CEP192: variants seen among roughly 807,000 people sequenced by gnomAD.
CEP192 encodes centrosomal protein of 192 kDa.
Under a neutral mutation model 271.8 loss-of-function variants are expected in CEP192, and 151 were observed. The ratio of observed to expected loss-of-function variants is 0.56; its 90% CI spans 0.49 to 0.64. The LOEUF is 0.64. Ranked by LOEUF, CEP192 falls within the 30% of genes least tolerant of loss-of-function variation. The pLI, the probability that CEP192 is intolerant of heterozygous loss-of-function variation, is 0.00. For missense variants in CEP192, 2,910 were observed against 3,020.5 expected (o/e 0.96, Z 0.86); for synonymous variants, 995 against 1,076.5 (o/e 0.92, Z 1.48).
At chr18:13,001,376 G>C in intron 2 of CEP192, 81 bp from the exon 3 acceptor site, 1 of 970,282 alleles carries the variant, frequency 1.0e-6, no homozygotes, top group Non-Finnish European at 1.5e-6. Context: ...TGGTTTTACT[G>C]TCACGCAGCC....
chr18:13,040,745 T>G, intron 13 of CEP192, 85 bp from the exon 14 acceptor site: 1 of 1,094,752 alleles, frequency 9.1e-7, no homozygotes, highest in Non-Finnish European at 1.3e-6. Context: ...CATTTAGCTG[T>G]TTTACCACTA....
At chr18:13,011,677 C>G (rs1437233592) in intron 4 of CEP192, among the ~76,000 whole-genome samples, 1 of 152,128 alleles carries the variant, frequency 6.6e-6, no homozygotes, top group Non-Finnish European at 1.5e-5. Context: ...CCACTACACC[C>G]AGCTAATTTT....
intron 27 of CEP192, 66 bp from the exon 28 acceptor site, chr18:13,070,973 A>T: frequency 1.5e-6 from 2 of 1,331,080 alleles, no homozygotes; most frequent in Non-Finnish European, 2.1e-6. Context: ...CAATGGAAAC[A>T]TATAGGAAAT....
chr18:13,060,115 A>G (rs112270917), intron 21 of CEP192, among the ~76,000 whole-genome samples: 1 of 152,264 alleles, frequency 6.6e-6, no homozygotes, highest in African/African-American at 2.4e-5. Flanking sequence ...TCCTTAGGCA[A>G]TTTTGTCATT....
chr18:13,057,304 G>A (rs2037165287), intron 19 of CEP192, among the ~76,000 whole-genome samples: 2 of 151,812 alleles, frequency 1.3e-5, no homozygotes, highest in Non-Finnish European at 2.9e-5. Context: ...GAGAGAAAAG[G>A]AGATTACTTA....
At chr18:13,038,712 C>T in intron 13 of CEP192, 133 bp downstream of exon 13, 1 of 694,394 alleles carries the variant, frequency 1.4e-6, no homozygotes, top group Non-Finnish European at 2.5e-6. Context: ...TAGGTTTCAT[C>T]ATCAGTCAGA....
chr18:13,068,503 A>G (rs375419439), intron 24 of CEP192, 81 bp downstream of exon 24: 19 of 1,161,206 alleles, frequency 1.6e-5, no homozygotes, highest in South Asian at 1.4e-4. Context: ...TCCTTTGTCA[A>G]TAAATGTCAG....
In CEP192 at chr18:13,117,663, C is replaced by A. The variant is rs148194492; in HGVS notation, c.7475+20C>A. Reference sequence around the variant, plus strand: ...TTTGAGGTAAGTTTATCGCAGATCACAGTGTTCTCATCAGCGATGCAGGAC... The same window carrying A: ...TTTGAGGTAAGTTTATCGCAGATCAAAGTGTTCTCATCAGCGATGCAGGAC... On this transcript the variant is annotated intron_variant, in intron 44 of 44. Transcript: ENST00000506447. 1 of 1,594,748 alleles carries A rather than the reference C, an allele frequency of 6.3e-7. No individual in the cohort carries two copies. The highest frequency in any genetic ancestry group is 8.6e-7 in the Non-Finnish European group (1 of 1,163,102).
At chr18:13,023,801 T>C (rs1211640616) in intron 9 of CEP192, among the ~76,000 whole-genome samples, 1 of 152,192 alleles carries the variant, frequency 6.6e-6, no homozygotes, top group Non-Finnish European at 1.5e-5. Flanking sequence ...AGAATTAGTA[T>C]AATGTTTTCC....
chr18:13,123,251 A>AT (rs559986682), intron 44 of CEP192, among the ~76,000 whole-genome samples: 9 of 152,120 alleles, frequency 5.9e-5, no homozygotes, highest in Admixed American at 5.2e-4. Context: ...GCCAGGTTAG[A>AT]TTTTTTTTAA....
chr18:13,057,835 T>A, intron 20 of CEP192, 102 bp downstream of exon 20: 1 of 1,035,338 alleles, frequency 9.7e-7, no homozygotes, highest in Non-Finnish European at 1.4e-6. Flanking sequence ...ACGCCTTTAT[T>A]AATGCACACA....
At chr18:13,089,616 G>A (rs986875678) in intron 33 of CEP192, 51 bp downstream of exon 33, 2 of 885,714 alleles carry the variant, frequency 2.3e-6, no homozygotes, top group Non-Finnish European at 1.8e-6. Context: ...GTCATTTATA[G>A]TATTATCTAT....
At chr18:13,043,032 G>A (rs948454880) in intron 15 of CEP192, among the ~76,000 whole-genome samples, 1 of 152,212 alleles carries the variant, frequency 6.6e-6, no homozygotes, top group African/African-American at 2.4e-5. Context: ...GTTCAAGAGT[G>A]TGTGCTTCCT....
intron 40 of CEP192, among the ~76,000 whole-genome samples, chr18:13,110,201 G>A (rs540611301): frequency 3.9e-5 from 6 of 152,150 alleles, no homozygotes; most frequent in Admixed American, 6.5e-5. Flanking sequence ...AATCCAGCTG[G>A]GTTTTGTTTT....
chr18:13,046,607 T>C (rs1286335988), intron 15 of CEP192, among the ~76,000 whole-genome samples: 1 of 151,990 alleles, frequency 6.6e-6, no homozygotes, highest in Non-Finnish European at 1.5e-5. Context: ...ACCTGTCTCT[T>C]GGCTTACTGA....
chr18:13,089,528 T>C lies in CEP192; in HGVS notation c.6066T>C (p.Phe2022=). 6.2e-7 allele frequency: 1 copy of C among 1,600,708 alleles called. No homozygotes were observed. Among genetic ancestry groups the C allele is most frequent in the South Asian group, 1.1e-5 (1 of 90,048 alleles). Residue 2022 remains phenylalanine (F), a synonymous_variant, in exon 33 of 45, where the codon TTT becomes TTC. Coordinates refer to ENST00000506447, the MANE Select transcript of CEP192 (RefSeq NM_032142.4). The part of the protein sequence containing the change: ...PEHSVLQNIN[F]VEAFQDELLV... ...ATAGTGTGCTTCAAAACATTAATTTTGTTGAAGCATTTCAAGATGAGCTAT... is the reference window on the plus strand; with the variant it reads ...ATAGTGTGCTTCAAAACATTAATTTCGTTGAAGCATTTCAAGATGAGCTAT...
chr18:12,994,903 G>C (rs888956087), intron 1 of CEP192, among the ~76,000 whole-genome samples: 1 of 152,136 alleles, frequency 6.6e-6, no homozygotes, highest in Non-Finnish European at 1.5e-5. Context: ...TAAAGGAAGA[G>C]GATGTCAGAT....
chr18:13,015,271 C>T (rs1357894785), intron 5 of CEP192, 57 bp from the exon 6 acceptor site: 2 of 1,509,216 alleles, frequency 1.3e-6, no homozygotes, highest in Non-Finnish European at 1.8e-6. Flanking sequence ...TAGCCTTGTA[C>T]TATGCTCTTC....
rs200218579 is a variant in CEP192, at chr18:13,068,136, G to C, written c.4657G>C (p.Val1553Leu). The C allele has an allele frequency of 1.2e-6, 2 of 1,614,056 alleles. No homozygotes were observed. Among genetic ancestry groups the C allele is most frequent in the African/African-American group, 2.7e-5 (2 of 74,928 alleles). ...CTGTTTCACGTTTTCCAAGGAATCC[G>C]TCCGAGCTCCTGTGGAAGTTGCTCC... ...WRCFTFSKESVRAPVEVAPCA... is the reference protein window; with the variant it reads ...WRCFTFSKESLRAPVEVAPCA... Residue 1553 changes from valine to leucine, a missense_variant, in exon 23 of 45, where the codon GTC (valine) becomes CTC (leucine). Val to Leu is a conservative substitution (Grantham distance 32). Transcript: ENST00000506447.
Sources: allele counts gnomAD v4.1 joint callset (sites outside exome capture counted in the v4.1 genomes callset), GRCh38; gene constraint gnomAD v4.1.1; transcripts MANE v1.5; gene names NCBI Gene and HGNC (gene_info 2026-07-23, HGNC 2026-07-21).